MALRD1: variants seen among roughly 807,000 people sequenced by gnomAD.
MALRD1 encodes MAM and LDL-receptor class A domain-containing protein 1.
MALRD1 carries 247 observed loss-of-function variants against 242.1 expected under a neutral mutation model. That is an observed-to-expected ratio of 1.02 (90% CI 0.92 to 1.13). The LOEUF (loss-of-function observed/expected upper bound fraction) is 1.13, where lower values mean the gene tolerates loss of function less well. Among genes scored for constraint, MALRD1 ranks in the 50% most tolerant of loss-of-function variants. The probability of loss-of-function intolerance (pLI) is 0.00; values close to 1 mark genes in which losing one functional copy is unlikely to be tolerated. For synonymous variants in MALRD1, 995 were observed against 866.6 expected, an observed-to-expected ratio of 1.15 and a Z score of -2.60; for missense variants, 2,989 against 2,533.1, an observed-to-expected ratio of 1.18 and a Z score of -3.86.
chr10:19,103,880 A>G, intron 4 of MALRD1, 99 bp from the exon 5 acceptor site: 3 of 615,398 alleles, frequency 4.9e-6, no homozygotes, highest in East Asian at 6.9e-5. Context: ...CTAGAGAGTG[A>G]CATGCTTCCT....
chr10:19,690,237 G>A (rs1842760274), intron 36 of MALRD1, among the ~76,000 whole-genome samples: 1 of 151,978 alleles, frequency 6.6e-6, no homozygotes, highest in African/African-American at 2.4e-5. Context: ...AACTGCTTTT[G>A]ACCCTTACAG....
At position 19,734,167 on chromosome 10, in the gene MALRD1, A is replaced by G. The variant is rs376090463; in HGVS notation, c.6401A>G (p.Tyr2134Cys). The change falls in exon 40 of 40, where the codon TAT becomes TGT. Residue 2134 changes from tyrosine to cysteine, a missense_variant. Tyr to Cys is a radical substitution (Grantham distance 194). Coordinates refer to ENST00000454679, the MANE Select transcript of MALRD1 (RefSeq NM_001142308.3). The stretch of plus-strand genomic sequence containing the variant: ...GTTTTTCTTCGTCAGAGTTCTGTCT[A>G]TTCCTTCTCAAACCCATTATATGGC... ...SNPEKTESSV[Y>C]SFSNPLYGTT... 8.8e-5 allele frequency: 135 copies of G among 1,534,960 alleles called. No individual in the cohort carries two copies. The African/African-American group carries it at 1.4e-3, about 15-fold the overall frequency.
rs911114582 is a variant in MALRD1 at position 19,209,580 on chromosome 10, G to T, written c.2891G>T (p.Trp964Leu). ...IYRLAIYQRIWSDSRGQLLWQ... is the reference protein window; with the variant it reads ...IYRLAIYQRILSDSRGQLLWQ... The stretch of plus-strand genomic sequence containing the variant: ...AGGTTGGCAATCTACCAACGAATCT[G>T]GAGTGACTCAAGGGGACAGCTGCTG... The change falls in exon 18 of 40, where the codon TGG becomes TTG. Residue 964 changes from tryptophan to leucine, a missense_variant. Physicochemically the swap from Trp to Leu is moderately conservative, Grantham distance 61 (BLOSUM62 -2). Transcript: ENST00000454679. 1 of 1,550,772 alleles carries T rather than the reference G, an allele frequency of 6.4e-7. No homozygotes were observed. Among genetic ancestry groups the T allele is most frequent in the East Asian group, 2.4e-5 (1 of 40,942 alleles).
At chr10:19,204,834 TA>T in intron 16 of MALRD1, 63 bp from the exon 17 acceptor site, 1 of 1,433,446 alleles carries the variant, frequency 7.0e-7, no homozygotes, top group African/African-American at 1.4e-5. Context: ...TAGAAAAATC[TA>T]AAGGTTAAAT....
intron 2 of MALRD1, among the ~76,000 whole-genome samples, chr10:19,086,228 G>A (rs765244011): frequency 6.6e-6 from 1 of 152,026 alleles, no homozygotes; most frequent in Non-Finnish European, 1.5e-5. Flanking sequence ...GTAGGGAAGA[G>A]AGGTTTCTTC....
At chr10:19,405,050 G>T (rs1237634537) in intron 28 of MALRD1, among the ~76,000 whole-genome samples, 1 of 152,150 alleles carries the variant, frequency 6.6e-6, no homozygotes, top group Non-Finnish European at 1.5e-5. Flanking sequence ...AAAAAAACCT[G>T]TGAAAGGCAG....
intron 14 of MALRD1, among the ~76,000 whole-genome samples, chr10:19,194,560 C>T (rs1394993606): frequency 6.6e-6 from 1 of 152,090 alleles, no homozygotes; most frequent in Non-Finnish European, 1.5e-5. Flanking sequence ...ATACTTTCTG[C>T]TTGTGAACTA....
intron 1 of MALRD1, among the ~76,000 whole-genome samples, chr10:19,056,155 C>A (rs7898327): frequency 0.046 from 7,025 of 151,982 alleles, 298 homozygotes; most frequent in African/African-American, 0.11. Flanking sequence ...CTTTTTGCTC[C>A]AGATTGTTTT....
chr10:19,273,707 G>T (rs1004439497), intron 19 of MALRD1, among the ~76,000 whole-genome samples: 1 of 152,170 alleles, frequency 6.6e-6, no homozygotes, highest in Non-Finnish European at 1.5e-5. Flanking sequence ...AAACATTAGT[G>T]TTTGCCATTG....
intron 19 of MALRD1, among the ~76,000 whole-genome samples, chr10:19,267,711 G>T (rs780581861): frequency 6.6e-6 from 1 of 152,056 alleles, no homozygotes; most frequent in Non-Finnish European, 1.5e-5. Flanking sequence ...AAAGCACTGT[G>T]TTTTGAAATA....
chr10:19,280,539 C>A (rs946015539), intron 20 of MALRD1, among the ~76,000 whole-genome samples: 3 of 152,144 alleles, frequency 2.0e-5, no homozygotes, highest in African/African-American at 4.8e-5. Flanking sequence ...GTACTCCTCA[C>A]ACTATAAAAT....
chr10:19,717,841 A>C (rs2131892727), intron 38 of MALRD1, among the ~76,000 whole-genome samples: 2 of 152,022 alleles, frequency 1.3e-5, no homozygotes, highest in Admixed American at 1.3e-4. Flanking sequence ...ACATGGCAAA[A>C]CCCTGTTTCT....
chr10:19,611,430 T>TTCCAATGA (rs1250672922), intron 35 of MALRD1, among the ~76,000 whole-genome samples: 1 of 152,012 alleles, frequency 6.6e-6, no homozygotes, highest in Admixed American at 6.6e-5. Context: ...GTTCCTGCTT[T>TTCCAATGA]TCCAATGAGA....
intron 35 of MALRD1, among the ~76,000 whole-genome samples, chr10:19,608,832 A>G (rs1243453550): frequency 6.6e-6 from 1 of 152,120 alleles, no homozygotes; most frequent in Non-Finnish European, 1.5e-5. Context: ...TGAAAAAGTG[A>G]CCAGATCTGG....
intron 25 of MALRD1, among the ~76,000 whole-genome samples, chr10:19,350,566 C>T (rs1030011096): frequency 3.7e-4 from 57 of 152,150 alleles, no homozygotes; most frequent in African/African-American, 1.3e-3. Context: ...TGTGAGCCAC[C>T]GTGCCTGCCA....
At chr10:19,384,768 A>G (rs4556435) in intron 26 of MALRD1, among the ~76,000 whole-genome samples, 126,991 of 145,182 alleles carry the variant, frequency 0.87, 55,759 homozygotes, top group African/African-American at 0.92. Flanking sequence ...TCTTTTTCTT[A>G]CCTAATTGCT....
At chr10:19,436,857 A>G (rs1834369268) in intron 28 of MALRD1, among the ~76,000 whole-genome samples, 1 of 152,168 alleles carries the variant, frequency 6.6e-6, no homozygotes, top group South Asian at 2.1e-4. Flanking sequence ...TGAGCTTAGC[A>G]TTACAGTATT....
intron 26 of MALRD1, among the ~76,000 whole-genome samples, chr10:19,382,208 G>A (rs1022319116): frequency 3.3e-5 from 5 of 152,044 alleles, no homozygotes; most frequent in African/African-American, 2.4e-5. Context: ...CATCCTCACA[G>A]TATGTTGTTT....
At chr10:19,562,164 C>T (rs1237045633) in intron 32 of MALRD1, among the ~76,000 whole-genome samples, 6 of 152,012 alleles carry the variant, frequency 3.9e-5, no homozygotes, top group Admixed American at 1.3e-4. Context: ...GGCGTGGTGG[C>T]GGGTGCCTGT....
Sources: allele counts gnomAD v4.1 joint callset (sites outside exome capture counted in the v4.1 genomes callset), GRCh38; gene constraint gnomAD v4.1.1; transcripts MANE v1.5; gene names NCBI Gene and HGNC (gene_info 2026-07-23, HGNC 2026-07-21).